The following ACSL6 variants were observed in gnomAD, a reference collection of about 807,000 sequenced individuals.
ACSL6 encodes acyl-CoA synthetase long chain family member 6, also known as long-chain-fatty-acid--CoA ligase 6.
A neutral mutation model predicts 98.2 loss-of-function variants in ACSL6; 47 were observed. That is an observed-to-expected ratio of 0.48 (90% CI 0.38 to 0.61). The LOEUF is 0.61. Among genes scored for constraint, ACSL6 ranks in the 20% least tolerant of loss-of-function variants. The pLI is 0.00. For synonymous variants in ACSL6, 362 were observed against 336.9 expected (o/e 1.07, Z -0.82); for missense variants, 761 against 913.4 (o/e 0.83, Z 2.15).
In ACSL6 at chr5:132,011,428, A is replaced by G. The variant is rs2126982438; in HGVS notation, c.49+77T>C. The G allele has an allele frequency of 6.7e-7, 1 of 1,485,892 alleles. No homozygotes were observed. Among genetic ancestry groups the G allele is most frequent in the South Asian group, 1.1e-5 (1 of 87,526 alleles). The allele number at this position is 1,485,892 out of a possible 1,614,324, so 92.0% of individuals were successfully genotyped here. A position where few individuals can be genotyped will look rare whatever the true frequency, so the allele number is the denominator to read the frequency against. On this transcript the variant is annotated intron_variant, in intron 1 of 20. Transcript: ENST00000651883. This position sits in a 1 kb window ranked among gnomAD's most constrained non-coding sequence, Gnocchi z 5.4. Reference sequence around the variant, plus strand: ...GGGGGCTCGGCGGCCGCGGAGATGTAACACCTCCACCTCGGGCGAAGACCT... The same window carrying G: ...GGGGGCTCGGCGGCCGCGGAGATGTGACACCTCCACCTCGGGCGAAGACCT...
chr5:131,999,055 A>G (rs760704485), intron 1 of ACSL6, among the ~76,000 whole-genome samples: 2 of 152,132 alleles, frequency 1.3e-5, no homozygotes, highest in Non-Finnish European at 2.9e-5. Context: ...TCATCAAAGA[A>G]TCTCCTCAAC....
rs763403902 is a variant in ACSL6 at position 131,988,650 on chromosome 5, G to A, written c.652+155C>T. On this transcript the variant is annotated intron_variant, in intron 6 of 20. Transcript: ENST00000651883. Reference sequence around the variant, plus strand: ...GTCTGACCAGGGACAGCTTGACTCAGGAAGCCAACTCAGGAGCCACAGTGT... The same window carrying A: ...GTCTGACCAGGGACAGCTTGACTCAAGAAGCCAACTCAGGAGCCACAGTGT... The A allele has an allele frequency of 3.1e-6, 5 of 1,610,068 alleles. No individual in the cohort carries two copies. In the South Asian group the frequency reaches 5.5e-5, roughly 18 times the overall value.
chr5:131,962,216 T>C (rs544318208), intron 18 of ACSL6, among the ~76,000 whole-genome samples: 2 of 151,896 alleles, frequency 1.3e-5, no homozygotes, highest in Non-Finnish European at 2.9e-5. Flanking sequence ...ATAATAATAG[T>C]AATAATAATT....
chr5:131,989,269 G>C (rs1034247284), intron 5 of ACSL6, 138 bp downstream of exon 5: 2 of 816,300 alleles, frequency 2.5e-6, no homozygotes, highest in Non-Finnish European at 3.9e-6. Flanking sequence ...AGGGTGGGAA[G>C]AGGAGTGGTG....
intron 19 of ACSL6, among the ~76,000 whole-genome samples, chr5:131,960,279 G>A (rs1752632555): frequency 6.6e-6 from 1 of 152,130 alleles, no homozygotes; most frequent in Admixed American, 6.5e-5. Flanking sequence ...GGCTGGATAA[G>A]CTTTCTGTGA....
At chr5:131,974,584 T>A (rs2149725386) in intron 11 of ACSL6, among the ~76,000 whole-genome samples, 1 of 152,226 alleles carries the variant, frequency 6.6e-6, no homozygotes, top group East Asian at 1.9e-4. Context: ...CCTGGAACAA[T>A]GCTCCCAGGA....
chr5:131,988,755 G>C, intron 6 of ACSL6, 50 bp downstream of exon 6: 1 of 1,592,822 alleles, frequency 6.3e-7, no homozygotes, highest in South Asian at 1.1e-5. Context: ...CTGGAGGCTG[G>C]AGGCTGGGGA....
At chr5:131,992,676 C>T (rs539718411) in intron 2 of ACSL6, among the ~76,000 whole-genome samples, 22 of 152,158 alleles carry the variant, frequency 1.4e-4, no homozygotes, top group Non-Finnish European at 2.1e-4. Context: ...TGCTTTCTTA[C>T]GCTTGCCCCT....
chr5:131,976,592 T>C lies in ACSL6; in HGVS notation c.990+56A>G, dbSNP rs145517708. ...AACAAACAAATAAAAAAAAATCCTC[T>C]GAGGCTTGAGGTTGTCCTCAAGAGA... On this transcript the variant is annotated intron_variant, in intron 10 of 20. Coordinates refer to ENST00000651883, the MANE Select transcript of ACSL6 (RefSeq NM_001009185.3). The C allele has an allele frequency of 1.6e-5, 23 of 1,410,428 alleles. No homozygotes were observed. The East Asian group carries it at 5.2e-4, about 32-fold the overall frequency. The allele number at this position is 1,410,428 out of a possible 1,614,324, so 87.4% of individuals were successfully genotyped here.
chr5:131,975,281 C>G, intron 10 of ACSL6: 1 of 985,412 alleles, frequency 1.0e-6, no homozygotes, highest in South Asian at 4.7e-5. Context: ...ATGAAGCACA[C>G]AGAAACCAGC....
rs112441258 is a variant in ACSL6, at chr5:131,950,274, A to G, written c.*3960T>C. ...ACTGTCACCTCATGAAACCCTTTCC[A>G]TTTGGTACCAAGTTTAGAAATGCTC... On this transcript the variant is annotated 3_prime_UTR_variant, in exon 21 of 21. Coordinates refer to ENST00000651883, the MANE Select transcript of ACSL6 (RefSeq NM_001009185.3). 4.9e-6 allele frequency: 1 copy of G among 203,368 alleles called. No homozygotes were observed. The highest frequency in any genetic ancestry group is 1.0e-5 in the Non-Finnish European group (1 of 99,062). The allele number at this position is 203,368 out of a possible 1,614,324, so 12.6% of individuals were successfully genotyped here. A position where few individuals can be genotyped will look rare whatever the true frequency, so the allele number is the denominator to read the frequency against.
intron 12 of ACSL6, among the ~76,000 whole-genome samples, 197 bp downstream of exon 12, chr5:131,973,069 C>T (rs572331107): frequency 6.6e-6 from 1 of 152,320 alleles, no homozygotes; most frequent in South Asian, 2.1e-4. Flanking sequence ...AAAAAAATCT[C>T]TCCCGCAGGG....
chr5:131,978,458 G>A (rs1022021769), intron 9 of ACSL6, among the ~76,000 whole-genome samples: 5 of 152,178 alleles, frequency 3.3e-5, no homozygotes, highest in Admixed American at 6.5e-5. Context: ...AGAAACCTCT[G>A]TTAGCAAGCT....
In ACSL6 at chr5:131,954,142, T is replaced by C; in HGVS notation, c.*92A>G. On this transcript the variant is annotated 3_prime_UTR_variant, in exon 21 of 21. Coordinates refer to ENST00000651883, the MANE Select transcript of ACSL6 (RefSeq NM_001009185.3). ...AGTCATAAAATCAGATGCTTATTCA[T>C]TTTCAGCTGTGTCATTTTGACTCAT... 7.4e-7 allele frequency: 1 copy of C among 1,350,530 alleles called. No individual in the cohort carries two copies. Among genetic ancestry groups the C allele is most frequent in the South Asian group, 1.9e-5 (1 of 54,012 alleles). 83.7% of individuals were successfully genotyped at this position (1,350,530 alleles called of 1,614,324 possible).
intron 1 of ACSL6, among the ~76,000 whole-genome samples, chr5:131,998,198 G>C (rs1190347784): frequency 2.0e-5 from 3 of 152,190 alleles, no homozygotes; most frequent in Non-Finnish European, 4.4e-5. Context: ...TCGGGGGCAA[G>C]AGGAGTGTGG....
intron 12 of ACSL6, 149 bp from the exon 13 acceptor site, chr5:131,973,007 GA>G: frequency 1.6e-6 from 2 of 1,216,634 alleles, no homozygotes; most frequent in Middle Eastern, 2.2e-4. Context: ...ACATTGAGCT[GA>G]AGGTTAACAC....
At chr5:131,963,354 G>T (rs188270229) in intron 17 of ACSL6, among the ~76,000 whole-genome samples, 1 of 152,156 alleles carries the variant, frequency 6.6e-6, no homozygotes, top group South Asian at 2.1e-4. Flanking sequence ...AGGTGATTAC[G>T]TGGGCCTCTT....
chr5:131,975,419 A>G, intron 10 of ACSL6: 1 of 985,316 alleles, frequency 1.0e-6, no homozygotes, highest in African/African-American at 1.7e-5. Flanking sequence ...CCATTTCTCC[A>G]GGATCCCTGG....
At chr5:131,967,668 TTAATAATAATAA>T (rs3043871) in intron 16 of ACSL6, among the ~76,000 whole-genome samples, 6 of 144,128 alleles carry the variant, frequency 4.2e-5, no homozygotes, top group African/African-American at 7.6e-5. Context: ...CCGTCTCAAA[TTAATAATAATAA>T]TAATAATAAT....
Sources: allele counts gnomAD v4.1 joint callset (sites outside exome capture counted in the v4.1 genomes callset), GRCh38; gene constraint gnomAD v4.1.1; non-coding constraint Gnocchi (gnomAD v3.1); transcripts MANE v1.5; gene names NCBI Gene and HGNC (gene_info 2026-07-23, HGNC 2026-07-21).